Variants in CDYL2 observed in about 807,000 individuals in gnomAD.
CDYL2 encodes chromodomain Y-like protein 2.
CDYL2 carries 23 observed loss-of-function variants against 49.4 expected under a neutral mutation model. The observed-to-expected ratio is 0.47, with a 90% CI of 0.34 to 0.66. The LOEUF (loss-of-function observed/expected upper bound fraction) is 0.66, where lower values mean the gene tolerates loss of function less well. Among genes scored for constraint, CDYL2 ranks in the 30% least tolerant of loss-of-function variants. The pLI, the probability that CDYL2 is intolerant of heterozygous loss-of-function variation, is 0.01. For missense variants in CDYL2, 678 were observed against 656.4 expected, an observed-to-expected ratio of 1.03 and a Z score of -0.36; for synonymous variants, 360 against 268.8, an observed-to-expected ratio of 1.34 and a Z score of -3.32.
rs1910516125 is a variant in CDYL2 at position 80,693,887 on chromosome 16, A to G, written c.25-8758T>C. On this transcript the variant is annotated intron_variant, in intron 1 of 6. Coordinates refer to ENST00000570137, the MANE Select transcript of CDYL2 (RefSeq NM_152342.4). ...CCCAGGATGGAATGCATCCAGTGAC[A>G]AATGAATCTCACTGTATTACAGATG... Among the ~76,000 whole-genome samples the G allele has an allele frequency of 2.0e-5, 3 of 152,256 alleles. No homozygotes were observed. In the South Asian group the frequency reaches 6.2e-4, roughly 31 times the overall value.
At chr16:80,652,695 C>T (rs1567556717) in intron 2 of CDYL2, among the ~76,000 whole-genome samples, 1 of 152,280 alleles carries the variant, frequency 6.6e-6, no homozygotes, top group Admixed American at 6.5e-5. Flanking sequence ...TGACAGGTCA[C>T]GTTCTTAGTC....
In CDYL2 at chr16:80,599,142, A is replaced by C. The variant is rs1354897898; in HGVS notation, c.*5246T>G. 2 of 152,204 alleles carry C rather than the reference A, an allele frequency of 1.3e-5. No individual in the cohort carries two copies. The highest frequency in any genetic ancestry group is 1.5e-5 in the Non-Finnish European group (1 of 68,042). The allele number at this position is 152,204 out of a possible 1,614,324, so 9.4% of individuals were successfully genotyped here. The stretch of plus-strand genomic sequence containing the variant: ...CAGCATCAGGCTAGATGTTGGATCA[A>C]TGATATAAGGTTAAGCCATAAAAAC... On this transcript the variant is annotated 3_prime_UTR_variant, in exon 7 of 7. Transcript: ENST00000570137.
intron 1 of CDYL2, among the ~76,000 whole-genome samples, chr16:80,783,375 G>A (rs549713480): frequency 1.1e-4 from 16 of 152,274 alleles, no homozygotes; most frequent in East Asian, 3.9e-4. Flanking sequence ...ACAAGTGTTG[G>A]CAAGGACGCA....
intron 1 of CDYL2, among the ~76,000 whole-genome samples, chr16:80,752,457 A>G (rs1042452807): frequency 4.6e-5 from 7 of 152,236 alleles, no homozygotes; most frequent in Admixed American, 6.5e-5. Context: ...TAGAAACACC[A>G]TAATAAAACT....
chr16:80,696,268 A>G (rs1368953726), intron 1 of CDYL2, among the ~76,000 whole-genome samples: 1 of 152,206 alleles, frequency 6.6e-6, no homozygotes, highest in Admixed American at 6.5e-5. Flanking sequence ...AGAAGGTAAT[A>G]GCAATGAACA....
chr16:80,739,962 A>C (rs1293987617), intron 1 of CDYL2, among the ~76,000 whole-genome samples: 8 of 152,196 alleles, frequency 5.3e-5, no homozygotes. Context: ...GGATGAAACG[A>C]CTTGGGGGCA....
At position 80,602,106 on chromosome 16, in the gene CDYL2, T is replaced by C. The variant is rs998470556; in HGVS notation, c.*2282A>G. On this transcript the variant is annotated 3_prime_UTR_variant, in exon 7 of 7. Coordinates refer to ENST00000570137, the MANE Select transcript of CDYL2 (RefSeq NM_152342.4). ...GCTCTTTCTAATGAAAATTTAGCAG[T>C]AGTGAAGACACTGTCTGCCACAATA... 3 of 152,188 alleles carry C rather than the reference T, an allele frequency of 2.0e-5. No homozygotes were observed. The allele number at this position is 152,188 out of a possible 1,614,324, so 9.4% of individuals were successfully genotyped here. A position where few individuals can be genotyped will look rare whatever the true frequency, so the allele number is the denominator to read the frequency against.
chr16:80,636,909 T>C (rs550970862), intron 2 of CDYL2, among the ~76,000 whole-genome samples: 63 of 152,250 alleles, frequency 4.1e-4, no homozygotes, highest in Non-Finnish European at 8.5e-4. Flanking sequence ...TGCAGAGACA[T>C]GGATGAAGCT....
chr16:80,689,164 T>C (rs75416998), intron 1 of CDYL2, among the ~76,000 whole-genome samples: 2 of 152,368 alleles, frequency 1.3e-5, no homozygotes, highest in East Asian at 3.9e-4. Flanking sequence ...TCTGAGATGC[T>C]GAACTATTCC....
At position 80,684,881 on chromosome 16, in the gene CDYL2, G is replaced by A; in HGVS notation, c.273C>T (p.His91=). 6.2e-7 allele frequency: 1 copy of A among 1,614,186 alleles called. No homozygotes were observed. The highest frequency in any genetic ancestry group is 8.5e-7 in the Non-Finnish European group (1 of 1,180,046). ...TGCTCTTTCCAGGATCTGAAGGTCT[G>A]TGGGACAGTTTCTCAACCGACGGGC... ...SRGPSVEKLS[H]RPSDPGKSKG... The change falls in exon 2 of 7, where the codon CAC becomes CAT. Residue 91 remains histidine, a synonymous_variant. Coordinates refer to ENST00000570137, the MANE Select transcript of CDYL2 (RefSeq NM_152342.4).
intron 1 of CDYL2, among the ~76,000 whole-genome samples, chr16:80,686,083 C>T (rs749948989): frequency 3.3e-5 from 5 of 152,198 alleles, no homozygotes; most frequent in Non-Finnish European, 5.9e-5. Flanking sequence ...TAAGGCAACT[C>T]GCCTACCATG....
At chr16:80,686,910 G>T (rs536297021) in intron 1 of CDYL2, among the ~76,000 whole-genome samples, 21 of 152,290 alleles carry the variant, frequency 1.4e-4, no homozygotes, top group African/African-American at 5.1e-4. Context: ...AGGTCTTTTA[G>T]ATTTATTAGA....
At chr16:80,662,276 C>T (rs779795524) in intron 2 of CDYL2, among the ~76,000 whole-genome samples, 2 of 152,132 alleles carry the variant, frequency 1.3e-5, no homozygotes, top group Non-Finnish European at 2.9e-5. Flanking sequence ...CCATTGCAAA[C>T]AAAATAGTAA....
At chr16:80,714,241 C>T (rs956175379) in intron 1 of CDYL2, among the ~76,000 whole-genome samples, 1 of 152,084 alleles carries the variant, frequency 6.6e-6, no homozygotes, top group Non-Finnish European at 1.5e-5. Flanking sequence ...AAACTGCAAG[C>T]TGGGGGATAC....
At chr16:80,635,045 T>C (rs1907754797) in intron 2 of CDYL2, among the ~76,000 whole-genome samples, 1 of 152,136 alleles carries the variant, frequency 6.6e-6, no homozygotes, top group Non-Finnish European at 1.5e-5. Context: ...TAGACTGATA[T>C]CTCTCATGAA....
chr16:80,724,277 G>C (rs921384150), intron 1 of CDYL2, among the ~76,000 whole-genome samples: 6 of 149,974 alleles, frequency 4.0e-5, no homozygotes, highest in Non-Finnish European at 7.4e-5. Flanking sequence ...AGGAGGAGGA[G>C]AAAGGAAGAG....
rs1377719244 is a variant in CDYL2 at position 80,672,350 on chromosome 16, CACAG to C, written c.616+12184_616+12187del. 1.9e-3 allele frequency among the ~76,000 whole-genome samples: 200 copies of C among 103,830 alleles called. 1 individual carries two copies. Among genetic ancestry groups the C allele is most frequent in the African/African-American group, 5.1e-3 (176 of 34,378 alleles). 68.1% of individuals were successfully genotyped at this position (103,830 alleles called of 152,430 possible). On this transcript the variant is annotated intron_variant, in intron 2 of 6. Coordinates refer to ENST00000570137, the MANE Select transcript of CDYL2 (RefSeq NM_152342.4). The stretch of plus-strand genomic sequence containing the variant: ...ACACACACACACACACACACACACA[CACAG>C]AGAGAGAGAGAGAGATGAGTAGAAC...
At position 80,633,860 on chromosome 16, in the gene CDYL2, T is replaced by C. The variant is rs78039689; in HGVS notation, c.617-624A>G. Among the ~76,000 whole-genome samples the C allele has an allele frequency of 5.2e-3, 791 of 152,244 alleles. 8 individuals carry two copies. The highest frequency in any genetic ancestry group is 0.018 in the African/African-American group (734 of 41,542). ...TGTTTCACATATTAACATTCACAAA[T>C]GGCCTGAAAGTGCCCTCCTGAAAAG... On this transcript the variant is annotated intron_variant, in intron 2 of 6. Transcript: ENST00000570137.
At chr16:80,766,519 G>C (rs1423413793) in intron 1 of CDYL2, among the ~76,000 whole-genome samples, 2 of 151,928 alleles carry the variant, frequency 1.3e-5, no homozygotes. Context: ...CCTTTCTAGG[G>C]GAAAAAAGGA....
Sources: gnomAD v4.1 joint callset for allele counts (sites outside exome capture counted in the v4.1 genomes callset) on GRCh38, gnomAD v4.1.1 for gene constraint, MANE v1.5 for transcripts, NCBI Gene and HGNC (gene_info 2026-07-23, HGNC 2026-07-21) for gene names.